ANK3: variants seen among roughly 807,000 people sequenced by gnomAD.
The protein encoded by ANK3 is ankyrin 3.
ANK3 carries 57 observed loss-of-function variants against 370.9 expected under a neutral mutation model. The observed-to-expected ratio is 0.15, with a 90% CI of 0.12 to 0.19. The LOEUF (loss-of-function observed/expected upper bound fraction) is 0.19. Among genes scored for constraint, ANK3 ranks in the 10% least tolerant of loss-of-function variants. ANK3 has a pLI of 1.00. For missense variants in ANK3, 4,439 were observed against 5,302.1 expected (o/e 0.84, Z 5.06); for synonymous variants, 1,929 against 1,946.3 (o/e 0.99, Z 0.23).
intron 1 of ANK3, among the ~76,000 whole-genome samples, chr10:60,632,554 G>T (rs1350339490): frequency 1.3e-5 from 2 of 152,166 alleles, no homozygotes; most frequent in African/African-American, 4.8e-5. Flanking sequence ...TTCAAGAGAA[G>T]ACTGGGCAAC....
chr10:60,240,306 A>ATATATATTT lies in ANK3; in HGVS notation c.799-5521_799-5520insAAATATATA, dbSNP rs11282162. Among the ~76,000 whole-genome samples the ATATATATTT allele has an allele frequency of 3.5e-3, 423 of 119,740 alleles. 6 individuals are homozygous for ATATATATTT. The highest frequency in any genetic ancestry group is 5.4e-3 in the Non-Finnish European group (317 of 58,528). 78.6% of individuals were successfully genotyped at this position (119,740 alleles called of 152,430 possible). ...CATATATATATATATATATATATAT[A>ATATATATTT]TTTTTTTTTCTTTTTGAGATAGAGT... On this transcript the variant is annotated intron_variant, in intron 7 of 43. Transcript: ENST00000280772.
intron 1 of ANK3, among the ~76,000 whole-genome samples, chr10:60,678,975 A>T (rs1369979154): frequency 3.3e-5 from 5 of 152,224 alleles, no homozygotes; most frequent in Non-Finnish European, 7.3e-5. Flanking sequence ...GCAAGGGTGG[A>T]GATCACATAG....
At chr10:60,634,562 G>C (rs1294819104) in intron 1 of ANK3, among the ~76,000 whole-genome samples, 1 of 152,080 alleles carries the variant, frequency 6.6e-6, no homozygotes, top group Non-Finnish European at 1.5e-5. Context: ...AAAATGGACC[G>C]ATCAGGAGGA....
intron 1 of ANK3, among the ~76,000 whole-genome samples, chr10:60,674,227 A>G (rs1165400084): frequency 3.3e-5 from 5 of 152,164 alleles, no homozygotes; most frequent in Admixed American, 3.3e-4. Context: ...GTTTTTATAA[A>G]TGTGTCGTAT....
At chr10:60,196,111 C>T (rs1351466392) in intron 16 of ANK3, 34 bp downstream of exon 16, 5 of 1,551,144 alleles carry the variant, frequency 3.2e-6, no homozygotes, top group Admixed American at 3.3e-5. Flanking sequence ...AGACCTTACC[C>T]ATCAGTCTCC....
Position 60,606,037 on chromosome 10 carries a change from GA to G in ANK3, c.96+9148del, listed in dbSNP as rs1319289329. On this transcript the variant is annotated intron_variant, in intron 2 of 43. Transcript: ENST00000373827. Reference sequence around the variant, plus strand: ...ATTTCTGTCTATAAAGAAGTTCTTGGAAAAAAATAAAAATGTAGCTTTATTA... The same window carrying G: ...ATTTCTGTCTATAAAGAAGTTCTTGGAAAAAATAAAAATGTAGCTTTATTA... Among the ~76,000 whole-genome samples the G allele has an allele frequency of 3.3e-5, 5 of 151,998 alleles. No individual in the cohort carries two copies. The South Asian group carries it at 8.3e-4, about 25-fold the overall frequency.
chr10:60,254,958 C>G (rs564549304), intron 7 of ANK3, among the ~76,000 whole-genome samples: 1 of 152,178 alleles, frequency 6.6e-6, no homozygotes, highest in South Asian at 2.1e-4. Context: ...GGGCTATACT[C>G]CAGGGATTCC....
At chr10:60,399,225 T>C (rs1204668919) in intron 2 of ANK3, among the ~76,000 whole-genome samples, 3 of 152,132 alleles carry the variant, frequency 2.0e-5, no homozygotes, top group Non-Finnish European at 2.9e-5. Flanking sequence ...TTAATGAGTG[T>C]TGCAAATTTT....
chr10:60,113,428 G>C (rs1241143225), intron 26 of ANK3, among the ~76,000 whole-genome samples: 1 of 152,180 alleles, frequency 6.6e-6, no homozygotes, highest in African/African-American at 2.4e-5. Flanking sequence ...CTAAATATTT[G>C]CTAGGTGTGG....
intron 28 of ANK3, among the ~76,000 whole-genome samples, chr10:60,103,254 T>C (rs80261730): frequency 0.038 from 5,740 of 150,692 alleles, 174 homozygotes; most frequent in Non-Finnish European, 0.058. Flanking sequence ...ACCCGGCCTA[T>C]TTGTCTTTTT....
chr10:60,235,365 T>C (rs1457069645), intron 7 of ANK3, among the ~76,000 whole-genome samples: 1 of 152,230 alleles, frequency 6.6e-6, no homozygotes, highest in East Asian at 1.9e-4. Flanking sequence ...GTAATGCTTA[T>C]TTGACAAATA....
intron 7 of ANK3, among the ~76,000 whole-genome samples, chr10:60,256,082 A>G (rs1461318376): frequency 6.6e-6 from 1 of 152,212 alleles, no homozygotes; most frequent in African/African-American, 2.4e-5. Flanking sequence ...CAGAGGACCT[A>G]TCCTTCAGCT....
chr10:60,579,326 TA>T (rs763281984), intron 2 of ANK3, among the ~76,000 whole-genome samples: 2,368 of 69,012 alleles, frequency 0.034, 28 homozygotes, highest in African/African-American at 0.1. Context: ...TCTCTCTCAA[TA>T]AAAAAAAAAA....
chr10:60,403,887 G>A (rs2063401297), intron 2 of ANK3, among the ~76,000 whole-genome samples: 1 of 152,158 alleles, frequency 6.6e-6, no homozygotes, highest in African/African-American at 2.4e-5. Flanking sequence ...ACTAAAAAGT[G>A]TATCTTGCTT....
At chr10:60,455,998 T>G (rs1207269113) in intron 2 of ANK3, among the ~76,000 whole-genome samples, 1 of 152,226 alleles carries the variant, frequency 6.6e-6, no homozygotes, top group Non-Finnish European at 1.5e-5. Context: ...ATAAGCACCC[T>G]AGGCAGAGAA....
At chr10:60,525,234 A>G (rs2076441173) in intron 2 of ANK3, among the ~76,000 whole-genome samples, 1 of 152,066 alleles carries the variant, frequency 6.6e-6, no homozygotes, top group Non-Finnish European at 1.5e-5. Context: ...TCCATCTTGA[A>G]AAGAGACAGG....
At chr10:60,570,011 G>C (rs2077553314) in intron 2 of ANK3, among the ~76,000 whole-genome samples, 1 of 151,872 alleles carries the variant, frequency 6.6e-6, no homozygotes, top group Admixed American at 6.6e-5. Flanking sequence ...AGAATAAAAA[G>C]GTATATATAT....
At chr10:60,512,792 AT>A (rs1307376599) in intron 2 of ANK3, among the ~76,000 whole-genome samples, 12 of 152,164 alleles carry the variant, frequency 7.9e-5, no homozygotes, top group Admixed American at 5.2e-4. Flanking sequence ...TGGATTAAAT[AT>A]ATGCTAATGA....
chr10:60,337,990 G>A (rs536177051), intron 1 of ANK3, among the ~76,000 whole-genome samples: 1 of 152,228 alleles, frequency 6.6e-6, no homozygotes, highest in African/African-American at 2.4e-5. Flanking sequence ...CAGTCCCACT[G>A]TTTACAAATG....
Sources: gnomAD v4.1 joint callset for allele counts (sites outside exome capture counted in the v4.1 genomes callset) on GRCh38, gnomAD v4.1.1 for gene constraint, MANE v1.5 for transcripts, NCBI Gene and HGNC (gene_info 2026-07-23, HGNC 2026-07-21) for gene names.